Variants in TATDN2 observed in about 807,000 individuals in gnomAD.
TATDN2 encodes TatD DNase domain containing 2, also known as 3'-5' RNA nuclease TATDN2.
Under a neutral mutation model 60.3 loss-of-function variants are expected in TATDN2, and 44 were observed. That is an observed-to-expected ratio of 0.73 (90% confidence interval 0.57 to 0.94). The LOEUF (loss-of-function observed/expected upper bound fraction) is 0.94, where lower values mean the gene tolerates loss of function less well. Among genes scored for constraint, TATDN2 ranks in the 40% least tolerant of loss-of-function variants. The pLI is 0.00. For synonymous variants in TATDN2, 399 were observed against 355.8 expected (o/e 1.12, Z -1.37); for missense variants, 997 against 948.0 (o/e 1.05, Z -0.68).
At chr3:10,271,261 A>G (rs963796075) in intron 4 of TATDN2, among the ~76,000 whole-genome samples, 1 of 152,214 alleles carries the variant, frequency 6.6e-6, no homozygotes, top group Non-Finnish European at 1.5e-5. Flanking sequence ...GATGATATCA[A>G]TGTCAAAACA....
chr3:10,277,076 C>G (rs2125182028), intron 5 of TATDN2, among the ~76,000 whole-genome samples: 1 of 151,990 alleles, frequency 6.6e-6, no homozygotes, highest in Non-Finnish European at 1.5e-5. Context: ...AATGGAGTTT[C>G]AGTTCTCAGC....
intron 3 of TATDN2, among the ~76,000 whole-genome samples, chr3:10,265,372 C>T (rs1368573096): frequency 7.9e-5 from 6 of 76,086 alleles, no homozygotes; most frequent in Non-Finnish European, 1.0e-4. Flanking sequence ...CTACCACGCC[C>T]GGCCAGAACT....
intron 2 of TATDN2, among the ~76,000 whole-genome samples, chr3:10,254,984 C>T (rs1237980700): frequency 1.4e-5 from 2 of 142,148 alleles, no homozygotes; most frequent in East Asian, 2.2e-4. Context: ...TTTTTTTCCC[C>T]CTTCCCCCTT....
rs1002813431 is a variant in TATDN2, at chr3:10,276,333, CAG to C, written c.1834-27_1834-26del. 1.3e-5 allele frequency: 21 copies of C among 1,611,932 alleles called. No homozygotes were observed. In the African/African-American group the frequency reaches 1.3e-4, roughly 10 times the overall value. ...GGACTTCTGAAGTGCTGCTAACCAA[CAG>C]GGGTTGTCGCTGTGTCCTCTCCTAG... is the stretch of plus-strand genomic sequence containing the variant. On this transcript the variant is annotated intron_variant, in intron 4 of 7. Coordinates refer to ENST00000448281, the MANE Select transcript of TATDN2 (RefSeq NM_014760.4).
At chr3:10,258,768 C>G (rs917682895) in intron 2 of TATDN2, among the ~76,000 whole-genome samples, 1 of 151,996 alleles carries the variant, frequency 6.6e-6, no homozygotes, top group African/African-American at 2.4e-5. Flanking sequence ...CTGCTCCCAG[C>G]CGAGCCTAAG....
Position 10,278,285 on chromosome 3 carries a change from C to A in TATDN2, c.1968C>A (p.Cys656Ter). 1.2e-5 allele frequency: 20 copies of A among 1,613,446 alleles called. No individual in the cohort carries two copies. Among genetic ancestry groups the A allele is most frequent in the Non-Finnish European group, 1.6e-5 (19 of 1,179,636 alleles). Residue 656 changes from cysteine to a stop codon, truncating the protein, a stop_gained, in exon 6 of 8, where the codon TGC (cysteine) becomes TGA (stop). Coordinates refer to ENST00000448281, the MANE Select transcript of TATDN2 (RefSeq NM_014760.4). LOFTEE classifies it high-confidence loss of function. This position sits in a 1 kb window ranked among gnomAD's most constrained non-coding sequence, Gnocchi z 4.7. ...TGTGGAGTTCTGTCTCCAGGCATTG[C>A]TTCACCGGCAGCTACCCGGTCATTG... ...VPPDYKIHRH[C>*]FTGSYPVIEP... is the part of the protein sequence containing the mutation.
intron 2 of TATDN2, among the ~76,000 whole-genome samples, chr3:10,256,009 C>T (rs1480543211): frequency 2.0e-5 from 3 of 152,160 alleles, no homozygotes; most frequent in Non-Finnish European, 4.4e-5. Context: ...ACATCACCTC[C>T]CCATTTTATG....
At chr3:10,276,269 A>G (rs544346725) in intron 4 of TATDN2, 92 bp from the exon 5 acceptor site, 2 of 1,492,048 alleles carry the variant, frequency 1.3e-6, no homozygotes, top group East Asian at 4.6e-5. Context: ...AAAGAGAGAC[A>G]CAGGGGGTGC....
At chr3:10,274,320 A>G (rs1698605149) in intron 4 of TATDN2, among the ~76,000 whole-genome samples, 1 of 152,244 alleles carries the variant, frequency 6.6e-6, no homozygotes, top group Non-Finnish European at 1.5e-5. Context: ...ATACAATTGC[A>G]AGGAACAGTT....
In TATDN2 at chr3:10,278,239, G is replaced by T; in HGVS notation, c.1962-40G>T. 1 of 1,593,190 alleles carries T rather than the reference G, an allele frequency of 6.3e-7. No homozygotes were observed. Among genetic ancestry groups the T allele is most frequent in the Non-Finnish European group, 8.6e-7 (1 of 1,165,446 alleles). On this transcript the variant is annotated intron_variant, in intron 5 of 7. Coordinates refer to ENST00000448281, the MANE Select transcript of TATDN2 (RefSeq NM_014760.4). This position sits in a 1 kb window ranked among gnomAD's most constrained non-coding sequence, Gnocchi z 4.7. ...GGGGGGAGCTGGGGGCTGCTGCAGA[G>T]GGGACTGTGAGCAGCCCTGATGTGG...
At chr3:10,260,021 C>T (rs1212588828) in intron 2 of TATDN2, 116 bp from the exon 3 acceptor site, 2 of 1,241,330 alleles carry the variant, frequency 1.6e-6, no homozygotes, top group East Asian at 2.5e-5. Flanking sequence ...TTTGCCTTAG[C>T]CACAGTCACT....
rs188782917 is a variant in TATDN2, at chr3:10,275,286, A to C, written c.1834-1075A>C. Among the ~76,000 whole-genome samples, 165 of 152,276 alleles carry C rather than the reference A, an allele frequency of 1.1e-3. 1 individual carries two copies. Among genetic ancestry groups the C allele is most frequent in the African/African-American group, 3.9e-3 (161 of 41,552 alleles). ...GAGCCACCACGCCTGGTGAATTAATACTTTTCTTTGTTCTAAACCTGGGCT... is the reference window on the plus strand; with the variant it reads ...GAGCCACCACGCCTGGTGAATTAATCCTTTTCTTTGTTCTAAACCTGGGCT... On this transcript the variant is annotated intron_variant, in intron 4 of 7. Transcript: ENST00000448281.
chr3:10,253,009 AC>A (rs1053118146), intron 2 of TATDN2, among the ~76,000 whole-genome samples: 2 of 152,020 alleles, frequency 1.3e-5, no homozygotes, highest in Non-Finnish European at 2.9e-5. Context: ...GGTGCACGCC[AC>A]CATGTCCGGC....
At chr3:10,275,724 C>T (rs572039384) in intron 4 of TATDN2, among the ~76,000 whole-genome samples, 9 of 151,706 alleles carry the variant, frequency 5.9e-5, no homozygotes, top group South Asian at 4.2e-4. Context: ...CCAGCCTGGG[C>T]GACAGAGCAA....
intron 2 of TATDN2, among the ~76,000 whole-genome samples, chr3:10,258,876 C>CTTTT (rs56312703): frequency 6.8e-6 from 1 of 146,248 alleles, no homozygotes. Flanking sequence ...GCAATTTTGC[C>CTTTT]TTTTTTTTTT....
chr3:10,269,045 G>A (rs536904763), intron 3 of TATDN2, among the ~76,000 whole-genome samples: 56 of 152,326 alleles, frequency 3.7e-4, no homozygotes, highest in East Asian at 9.6e-4. Context: ...GAGGGCTGTC[G>A]TCATCTGAGA....
chr3:10,276,537 G>A, intron 5 of TATDN2, 49 bp downstream of exon 5: 2 of 1,587,184 alleles, frequency 1.3e-6, no homozygotes, highest in African/African-American at 2.9e-5. Context: ...CACTTCCTCT[G>A]TCAAGTTGAT....
At chr3:10,250,953 A>G (rs2125170616) in intron 2 of TATDN2, among the ~76,000 whole-genome samples, 1 of 152,292 alleles carries the variant, frequency 6.6e-6, no homozygotes, top group Middle Eastern at 3.4e-3. Flanking sequence ...AGAGGCAGGA[A>G]ATTTACTTTA....
At chr3:10,272,471 T>C (rs575911726) in intron 4 of TATDN2, among the ~76,000 whole-genome samples, 143 of 146,420 alleles carry the variant, frequency 9.8e-4, no homozygotes, top group Non-Finnish European at 1.6e-3. Context: ...AGAGTTTCAC[T>C]CTTGTTGGCC....
Sources: gnomAD v4.1 joint callset for allele counts (sites outside exome capture counted in the v4.1 genomes callset) on GRCh38, gnomAD v4.1.1 for gene constraint, Gnocchi (gnomAD v3.1) non-coding constraint, MANE v1.5 for transcripts, NCBI Gene and HGNC (gene_info 2026-07-23, HGNC 2026-07-21) for gene names.